Variants in NDUFS4 observed in about 807,000 individuals in gnomAD.
NDUFS4 encodes NADH dehydrogenase [ubiquinone] iron-sulfur protein 4, mitochondrial.
In NDUFS4, 28 loss-of-function variants were observed where a neutral mutation model predicts 24.3. The observed-to-expected ratio is 1.15, with a 90% CI of 0.85 to 1.58. NDUFS4 has a LOEUF of 1.58. Ranked by LOEUF, NDUFS4 falls within the 40% of genes most tolerant of loss-of-function variation. NDUFS4 has a pLI of 0.00. For synonymous variants in NDUFS4, 93 were observed against 69.7 expected (o/e 1.34, Z -1.67); for missense variants, 223 against 207.9 (o/e 1.07, Z -0.45).
At chr5:53,668,906 G>C (rs1248324499) in intron 4 of NDUFS4, among the ~76,000 whole-genome samples, 1 of 152,104 alleles carries the variant, frequency 6.6e-6, no homozygotes, top group Non-Finnish European at 1.5e-5. Context: ...TGTGAAGCAG[G>C]AACAGTTATC....
At chr5:53,626,674 GTCT>G (rs1193494038) in intron 2 of NDUFS4, among the ~76,000 whole-genome samples, 8 of 152,268 alleles carry the variant, frequency 5.3e-5, no homozygotes, top group Non-Finnish European at 8.8e-5. Context: ...CTGCATAAAT[GTCT>G]TCTTTTGAGA....
At chr5:53,582,641 G>A (rs1421619574) in intron 1 of NDUFS4, among the ~76,000 whole-genome samples, 2 of 152,192 alleles carry the variant, frequency 1.3e-5, no homozygotes, top group African/African-American at 4.8e-5. Context: ...CCTTGAACAA[G>A]CTGATATTAT....
intron 1 of NDUFS4, among the ~76,000 whole-genome samples, chr5:53,598,359 G>T (rs1453534411): frequency 6.6e-5 from 10 of 152,174 alleles, no homozygotes; most frequent in Admixed American, 5.2e-4. Flanking sequence ...GAAAGAAAAT[G>T]TGTATATGTA....
chr5:53,580,659 T>C (rs1162194808), intron 1 of NDUFS4, among the ~76,000 whole-genome samples: 2 of 146,878 alleles, frequency 1.4e-5, no homozygotes, highest in South Asian at 2.2e-4. Context: ...CTTTCTTTCT[T>C]TCTCTCTCTT....
At chr5:53,563,325 C>A (rs1438554310) in intron 1 of NDUFS4, among the ~76,000 whole-genome samples, 1 of 150,302 alleles carries the variant, frequency 6.7e-6, no homozygotes, top group Non-Finnish European at 1.5e-5. Flanking sequence ...CAGTGAAAAG[C>A]AAAACAAAGA....
chr5:53,613,110 A>G (rs1750747995), intron 2 of NDUFS4, among the ~76,000 whole-genome samples: 1 of 151,938 alleles, frequency 6.6e-6, no homozygotes, highest in Non-Finnish European at 1.5e-5. Flanking sequence ...TTCCCCCTCT[A>G]AGGGGTCAGT....
At chr5:53,642,384 A>G (rs1046088782) in intron 2 of NDUFS4, among the ~76,000 whole-genome samples, 2 of 152,174 alleles carry the variant, frequency 1.3e-5, no homozygotes, top group Non-Finnish European at 2.9e-5. Flanking sequence ...TTGGGAGTGC[A>G]TGCAGAAGAA....
chr5:53,567,902 T>C (rs369030195), intron 1 of NDUFS4, among the ~76,000 whole-genome samples: 2 of 152,284 alleles, frequency 1.3e-5, no homozygotes, highest in South Asian at 2.1e-4. Flanking sequence ...ATATATGAGC[T>C]CTTGTGACTT....
chr5:53,583,796 T>C (rs1443560616), intron 1 of NDUFS4, among the ~76,000 whole-genome samples: 2 of 152,172 alleles, frequency 1.3e-5, no homozygotes, highest in Non-Finnish European at 2.9e-5. Context: ...AGATGAAGAA[T>C]TCATGGCTTT....
chr5:53,620,087 G>C (rs538919158), intron 2 of NDUFS4, among the ~76,000 whole-genome samples: 1 of 151,588 alleles, frequency 6.6e-6, no homozygotes, highest in East Asian at 1.9e-4. Context: ...TTCAAGACCA[G>C]CCTGGGCAAC....
At chr5:53,674,974 T>C (rs1173824743) in intron 4 of NDUFS4, among the ~76,000 whole-genome samples, 1 of 152,086 alleles carries the variant, frequency 6.6e-6, no homozygotes. Flanking sequence ...ACTTGAAGTC[T>C]CAAAATGTTT....
chr5:53,582,168 G>T (rs1314017048), intron 1 of NDUFS4, among the ~76,000 whole-genome samples: 1 of 150,990 alleles, frequency 6.6e-6, no homozygotes, highest in Non-Finnish European at 1.5e-5. Context: ...CCGAGATCGC[G>T]CCACTGCACT....
chr5:53,585,070 T>A (rs763995236), intron 1 of NDUFS4, among the ~76,000 whole-genome samples: 3 of 152,188 alleles, frequency 2.0e-5, no homozygotes, highest in Non-Finnish European at 4.4e-5. Context: ...ACCAAAAATG[T>A]TTTAAAGTTA....
At chr5:53,571,943 G>A (rs1490944331) in intron 1 of NDUFS4, among the ~76,000 whole-genome samples, 2 of 151,996 alleles carry the variant, frequency 1.3e-5, no homozygotes, top group African/African-American at 2.4e-5. Context: ...GTCATGTATG[G>A]GAAAAAATAT....
chr5:53,668,673 C>G (rs1163553305), intron 4 of NDUFS4, among the ~76,000 whole-genome samples: 2 of 148,440 alleles, frequency 1.3e-5, no homozygotes, highest in Non-Finnish European at 3.0e-5. Flanking sequence ...GTTGGCCAGG[C>G]TGGCCTCGAA....
intron 1 of NDUFS4, among the ~76,000 whole-genome samples, chr5:53,572,251 CCTTT>C (rs1749230942): frequency 6.6e-6 from 1 of 152,126 alleles, no homozygotes; most frequent in Non-Finnish European, 1.5e-5. Flanking sequence ...TAACAATGTT[CCTTT>C]CTTTCTGATA....
At chr5:53,593,902 G>A (rs1750051362) in intron 1 of NDUFS4, among the ~76,000 whole-genome samples, 1 of 152,098 alleles carries the variant, frequency 6.6e-6, no homozygotes, top group Non-Finnish European at 1.5e-5. Context: ...CTGACTGAGA[G>A]CTTGCATTGT....
chr5:53,583,492 A>G (rs536537386), intron 1 of NDUFS4, among the ~76,000 whole-genome samples: 38 of 152,332 alleles, frequency 2.5e-4, no homozygotes, highest in African/African-American at 8.9e-4. Flanking sequence ...ATAGCTGTAT[A>G]GCTATTATGT....
At chr5:53,681,642 T>A (rs4147743) in intron 4 of NDUFS4, among the ~76,000 whole-genome samples, 14,564 of 152,172 alleles carry the variant, frequency 0.096, 1,009 homozygotes, top group Admixed American at 0.2. Flanking sequence ...AAAGTAAGGT[T>A]ATGTTGAACA....
Sources: gnomAD v4.1 joint callset for allele counts (sites outside exome capture counted in the v4.1 genomes callset) on GRCh38, gnomAD v4.1.1 for gene constraint, MANE v1.5 for transcripts, NCBI Gene and HGNC (gene_info 2026-07-23, HGNC 2026-07-21) for gene names.